STRN3: variants seen among roughly 807,000 people sequenced by gnomAD.
The protein encoded by STRN3 is striatin 3.
STRN3 carries 29 observed loss-of-function variants against 95.6 expected under a neutral mutation model. That is an observed-to-expected ratio of 0.30 (90% CI 0.23 to 0.41). STRN3 has a LOEUF of 0.41. STRN3 is among the 10% of genes least tolerant of loss of function. STRN3 has a pLI of 1.00. For synonymous variants in STRN3, 331 were observed against 357.6 expected (o/e 0.93, Z 0.84); for missense variants, 890 against 972.1 (o/e 0.92, Z 1.12).
At chr14:30,911,567 T>C (rs1430151152) in intron 12 of STRN3, among the ~76,000 whole-genome samples, 1 of 152,042 alleles carries the variant, frequency 6.6e-6, no homozygotes, top group Non-Finnish European at 1.5e-5. Context: ...CCTCCGAAAA[T>C]CCTCAGATTA....
At chr14:30,898,623 A>G (rs931770117) in intron 16 of STRN3, among the ~76,000 whole-genome samples, 3 of 152,210 alleles carry the variant, frequency 2.0e-5, no homozygotes, top group African/African-American at 7.2e-5. Context: ...GACCACATAA[A>G]TCACAAAGCT....
In STRN3 at chr14:31,018,214, G is replaced by A. The variant is rs74042105; in HGVS notation, c.282+7690C>T. Among the ~76,000 whole-genome samples, 788 of 152,036 alleles carry A rather than the reference G, an allele frequency of 5.2e-3. 3 individuals carry two copies. The highest frequency in any genetic ancestry group is 0.018 in the African/African-American group (730 of 41,474). Reference sequence around the variant, plus strand: ...GTAGTCATGGCAACAGCCGAGGCAGGCTGCCTGCATACCAGCTACCAGTGA... The same window carrying A: ...GTAGTCATGGCAACAGCCGAGGCAGACTGCCTGCATACCAGCTACCAGTGA... On this transcript the variant is annotated intron_variant, in intron 1 of 17. Coordinates refer to ENST00000357479, the MANE Select transcript of STRN3 (RefSeq NM_001083893.2).
chr14:30,962,776 T>C (rs55708493), intron 1 of STRN3, among the ~76,000 whole-genome samples: 13,731 of 152,042 alleles, frequency 0.09, 901 homozygotes, highest in South Asian at 0.29. Context: ...CAAGCAATCC[T>C]CCCTCCTCAG....
At chr14:30,952,546 A>G (rs928648898) in intron 3 of STRN3, among the ~76,000 whole-genome samples, 10 of 151,944 alleles carry the variant, frequency 6.6e-5, no homozygotes, top group Admixed American at 5.2e-4. Context: ...CAAAAAATGC[A>G]AAAATTAGCC....
intron 8 of STRN3, among the ~76,000 whole-genome samples, chr14:30,926,847 G>T (rs963323186): frequency 6.6e-6 from 1 of 152,106 alleles, no homozygotes; most frequent in Non-Finnish European, 1.5e-5. Context: ...TTCAGTCAAA[G>T]AAGTCCACTT....
At chr14:31,020,180 C>G (rs1478969811) in intron 1 of STRN3, among the ~76,000 whole-genome samples, 1 of 152,042 alleles carries the variant, frequency 6.6e-6, no homozygotes, top group East Asian at 1.9e-4. Context: ...TACTGAAGAA[C>G]CAAAAATAAT....
intron 16 of STRN3, among the ~76,000 whole-genome samples, chr14:30,898,911 A>T (rs180768014): frequency 6.6e-5 from 10 of 152,334 alleles, no homozygotes; most frequent in Admixed American, 6.5e-4. Context: ...AACTACGGAA[A>T]CAAACTGTGT....
At chr14:30,955,571 A>C in intron 3 of STRN3, 49 bp downstream of exon 3, 1 of 1,473,586 alleles carries the variant, frequency 6.8e-7, no homozygotes, top group Non-Finnish European at 9.2e-7. Flanking sequence ...TGTCTGTTAC[A>C]TAAAAAATGA....
In STRN3 at chr14:30,912,080, G is replaced by T; in HGVS notation, c.1477C>A (p.Pro493Thr). The T allele has an allele frequency of 6.2e-7, 1 of 1,614,112 alleles. No homozygotes were observed. Among genetic ancestry groups the T allele is most frequent in the South Asian group, 1.1e-5 (1 of 91,074 alleles). Reference sequence around the variant, plus strand: ...TCCTCAGAAGCAGTAACCAGCACAGGTTCTACAGGATGAAAAGCTAATGCC... The same window carrying T: ...TCCTCAGAAGCAGTAACCAGCACAGTTTCTACAGGATGAAAAGCTAATGCC... ...VRALAFHPVE[P>T]VLVTASEDHT... The change falls in exon 11 of 18, where the codon CCT (proline) becomes ACT (threonine). Residue 493 changes from proline (P) to threonine (T), a missense_variant. Transcript: ENST00000357479.
chr14:31,012,650 T>C (rs1223791630), intron 1 of STRN3, among the ~76,000 whole-genome samples: 2 of 152,008 alleles, frequency 1.3e-5, no homozygotes, highest in African/African-American at 2.4e-5. Context: ...TCCCAGCAAT[T>C]TGGGAGACCG....
rs546469227 is a variant in STRN3, at chr14:30,990,440, T to C, written c.283-34198A>G. On this transcript the variant is annotated intron_variant, in intron 1 of 17. Transcript: ENST00000357479. ...GCCTCAGACTCCCAAAGTGCTGGGA[T>C]TACAGGCCTGAGCCACCGCGCCCGG... Among the ~76,000 whole-genome samples, 4 of 152,030 alleles carry C rather than the reference T, an allele frequency of 2.6e-5. No individual in the cohort carries two copies. The East Asian group carries it at 5.8e-4, about 22-fold the overall frequency.
At chr14:30,946,910 C>T (rs1415603348) in intron 5 of STRN3, among the ~76,000 whole-genome samples, 180 bp downstream of exon 5, 2 of 145,778 alleles carry the variant, frequency 1.4e-5, no homozygotes, top group African/African-American at 2.6e-5. Flanking sequence ...GCCTGGGAGG[C>T]GGAGGTTGCA....
At position 31,026,156 on chromosome 14, in the gene STRN3, G is replaced by A. The variant is rs1365088928; in HGVS notation, c.30C>T (p.Gly10=). MDELAGGGG[G]GPGMAAPPRQ... Reference sequence around the variant, plus strand: ...GGGGAGGGGCCGCCATCCCCGGGCCGCCACCACCGCCTCCGGCAAGCTCGT... The same window carrying A: ...GGGGAGGGGCCGCCATCCCCGGGCCACCACCACCGCCTCCGGCAAGCTCGT... Residue 10 remains glycine, a synonymous_variant, in exon 1 of 18, where the codon GGC becomes GGT. Transcript: ENST00000357479. 1 of 1,486,814 alleles carries A rather than the reference G, an allele frequency of 6.7e-7. No individual in the cohort carries two copies. The highest frequency in any genetic ancestry group is 8.9e-7 in the Non-Finnish European group (1 of 1,125,718). 92.1% of individuals were successfully genotyped at this position (1,486,814 alleles called of 1,614,324 possible).
chr14:30,940,453 A>C (rs1879040700), intron 5 of STRN3, among the ~76,000 whole-genome samples: 1 of 152,278 alleles, frequency 6.6e-6, no homozygotes, highest in South Asian at 2.1e-4. Flanking sequence ...TACAAATCTA[A>C]ATGGAACTCA....
At chr14:30,991,927 TAA>T (rs11411363) in intron 1 of STRN3, among the ~76,000 whole-genome samples, 2 of 142,302 alleles carry the variant, frequency 1.4e-5, no homozygotes, top group Non-Finnish European at 1.5e-5. Context: ...CTCTATTCTT[TAA>T]AAAAAAAAAA....
At chr14:31,005,440 A>G (rs1448111964) in intron 1 of STRN3, among the ~76,000 whole-genome samples, 1 of 152,276 alleles carries the variant, frequency 6.6e-6, no homozygotes, top group Non-Finnish European at 1.5e-5. Flanking sequence ...AGGTAAACAT[A>G]GAGTAGCTAC....
chr14:31,003,028 C>T (rs1882541128), intron 1 of STRN3, among the ~76,000 whole-genome samples: 1 of 151,932 alleles, frequency 6.6e-6, no homozygotes. Flanking sequence ...CTTTGGGAGG[C>T]CGAGGTGGAC....
chr14:30,973,147 T>G (rs1880916674), intron 1 of STRN3, among the ~76,000 whole-genome samples: 1 of 151,988 alleles, frequency 6.6e-6, no homozygotes, highest in Admixed American at 6.6e-5. Flanking sequence ...AGGCGGAGGT[T>G]ACAGTGAGCT....
In STRN3 at chr14:30,979,442, A is replaced by G. The variant is rs1055791515; in HGVS notation, c.283-23200T>C. Among the ~76,000 whole-genome samples, 49 of 152,102 alleles carry G rather than the reference A, an allele frequency of 3.2e-4. 1 individual carries two copies. Among genetic ancestry groups the G allele is most frequent in the Admixed American group, 2.1e-3 (32 of 15,268 alleles). On this transcript the variant is annotated intron_variant, in intron 1 of 17. Coordinates refer to ENST00000357479, the MANE Select transcript of STRN3 (RefSeq NM_001083893.2). ...TTTTGTTTTTAATTACTTGATCTGA[A>G]GTGTACTTCAGGCAAAAATTAATTT...
Sources: allele counts gnomAD v4.1 joint callset (sites outside exome capture counted in the v4.1 genomes callset), GRCh38; gene constraint gnomAD v4.1.1; transcripts MANE v1.5; gene names NCBI Gene and HGNC (gene_info 2026-07-23, HGNC 2026-07-21).